Variants in MAP3K4 observed in about 807,000 individuals in gnomAD.
MAP3K4 encodes MAP three kinase 1.
Under a neutral mutation model 185.6 loss-of-function variants are expected in MAP3K4, and 67 were observed. The ratio of observed to expected loss-of-function variants is 0.36; its 90% CI spans 0.30 to 0.44. MAP3K4 has a LOEUF of 0.44. MAP3K4 is among the 20% of genes least tolerant of loss of function. The probability of loss-of-function intolerance (pLI) is 1.00; values close to 1 mark genes in which losing one functional copy is unlikely to be tolerated. For synonymous variants in MAP3K4, 702 were observed against 710.4 expected, an observed-to-expected ratio of 0.99 and a Z score of 0.19; for missense variants, 1,551 against 1,995.1, an observed-to-expected ratio of 0.78 and a Z score of 4.24.
In MAP3K4 at chr6:161,073,792, G is replaced by A. The variant is rs1310169614; in HGVS notation, c.2097+180G>A. 1.3e-5 allele frequency among the ~76,000 whole-genome samples: 2 copies of A among 152,092 alleles called. No homozygotes were observed. Among genetic ancestry groups the A allele is most frequent in the Non-Finnish European group, 2.9e-5 (2 of 68,024 alleles). ...CTTGTGTGTGTGTATTGCGGAGGGCGGTGGTGGTGATCTTGAATCAGAGTC... is the reference window on the plus strand; with the variant it reads ...CTTGTGTGTGTGTATTGCGGAGGGCAGTGGTGGTGATCTTGAATCAGAGTC... On this transcript the variant is annotated intron_variant, in intron 5 of 26. Transcript: ENST00000392142. The surrounding 1 kb of genome is among the most constrained non-coding windows in gnomAD (Gnocchi z 4.2).
chr6:161,102,070 G>A lies in MAP3K4; in HGVS notation c.3775+78G>A. On this transcript the variant is annotated intron_variant, in intron 18 of 26. Transcript: ENST00000392142. The stretch of plus-strand genomic sequence containing the variant: ...CAGTTCACCAGTTTCTGTTGTTAAT[G>A]CCTTTATGAGGATTCCTTGAAGATT... 2.7e-6 allele frequency: 3 copies of A among 1,118,384 alleles called. 1 individual carries two copies. In the South Asian group the frequency reaches 4.0e-5, roughly 15 times the overall value. The allele number at this position is 1,118,384 out of a possible 1,614,324, so 69.3% of individuals were successfully genotyped here.
chr6:161,100,091 G>A lies in MAP3K4; in HGVS notation c.3674+1664G>A, dbSNP rs1777771328. Among the ~76,000 whole-genome samples, 1 of 152,204 alleles carries A rather than the reference G, an allele frequency of 6.6e-6. No individual in the cohort carries two copies. Among genetic ancestry groups the A allele is most frequent in the Admixed American group, 6.5e-5 (1 of 15,282 alleles). ...GAGATGGTAGGTAGAGAAGAGCACA[G>A]CCACGTGAAGAGGTGTGGGGTGGTT... On this transcript the variant is annotated intron_variant, in intron 17 of 26. Coordinates refer to ENST00000392142, the MANE Select transcript of MAP3K4 (RefSeq NM_005922.4). The surrounding 1 kb of genome is among the most constrained non-coding windows in gnomAD (Gnocchi z 5.8).
In MAP3K4 at chr6:161,110,891, C is replaced by G. The variant is rs573599499; in HGVS notation, c.4397-945C>G. Among the ~76,000 whole-genome samples, 9 of 152,318 alleles carry G rather than the reference C, an allele frequency of 5.9e-5. No homozygotes were observed. The highest frequency in any genetic ancestry group is 1.0e-4 in the Non-Finnish European group (7 of 68,030). Reference sequence around the variant, plus strand: ...CTGCCTATTTCTAGTCGTTCTGCCACAGACACCATCCTCAGTCTCTGTCCA... The same window carrying G: ...CTGCCTATTTCTAGTCGTTCTGCCAGAGACACCATCCTCAGTCTCTGTCCA... On this transcript the variant is annotated intron_variant, in intron 23 of 26. Transcript: ENST00000392142. This position sits in a 1 kb window ranked among gnomAD's most constrained non-coding sequence, Gnocchi z 4.8.
At position 161,111,964 on chromosome 6, in the gene MAP3K4, G is replaced by T; in HGVS notation, c.4519+6G>T. On this transcript the variant is annotated splice_donor_region_variant and intron_variant, in intron 24 of 26. Transcript: ENST00000392142. ...CAGCACCCTGGGGACAGCAGGTAGGGACCAGCCTGGTTGTTCTTTGCACTC... is the reference window on the plus strand; with the variant it reads ...CAGCACCCTGGGGACAGCAGGTAGGTACCAGCCTGGTTGTTCTTTGCACTC... 1.9e-6 allele frequency: 3 copies of T among 1,613,650 alleles called. No individual in the cohort carries two copies. The South Asian group carries it at 3.3e-5, about 18-fold the overall frequency.
chr6:160,992,208 T>A, intron 1 of MAP3K4, 125 bp downstream of exon 1: 1 of 1,326,642 alleles, frequency 7.5e-7, no homozygotes, highest in Non-Finnish European at 9.8e-7. Flanking sequence ...CTCTGCAGGC[T>A]GGGGCGGGAG....
Position 161,091,878 on chromosome 6 carries a change from A to G in MAP3K4, c.3136-132A>G, listed in dbSNP as rs1777327511. On this transcript the variant is annotated intron_variant, in intron 12 of 26. Transcript: ENST00000392142. The surrounding 1 kb of genome is among the most constrained non-coding windows in gnomAD (Gnocchi z 5.5). The stretch of plus-strand genomic sequence containing the variant: ...TGTACTTTCCATAATTCTTCATACT[A>G]TTCAAAATATAGAAATTTTAATTGG... 2.6e-6 allele frequency: 2 copies of G among 760,860 alleles called. No individual in the cohort carries two copies. The highest frequency in any genetic ancestry group is 4.2e-6 in the Non-Finnish European group (2 of 475,532). The allele number at this position is 760,860 out of a possible 1,614,324, so 47.1% of individuals were successfully genotyped here.
At chr6:161,024,467 T>C (rs1421873421) in intron 1 of MAP3K4, among the ~76,000 whole-genome samples, 1 of 152,224 alleles carries the variant, frequency 6.6e-6, no homozygotes, top group Non-Finnish European at 1.5e-5. Context: ...CACATGTTCT[T>C]TTTCTGTTCC....
rs1777700011 is a variant in MAP3K4, at chr6:161,098,752, G to A, written c.3674+325G>A. ...GGACATGAGCATTTTGCCTCACAGAGAGAGCCTGGAGTCACAAGGTGGTTA... is the reference window on the plus strand; with the variant it reads ...GGACATGAGCATTTTGCCTCACAGAAAGAGCCTGGAGTCACAAGGTGGTTA... On this transcript the variant is annotated intron_variant, in intron 17 of 26. Transcript: ENST00000392142. This position sits in a 1 kb window ranked among gnomAD's most constrained non-coding sequence, Gnocchi z 4.4. Among the ~76,000 whole-genome samples the A allele has an allele frequency of 6.6e-6, 1 of 152,220 alleles. No homozygotes were observed. Among genetic ancestry groups the A allele is most frequent in the Admixed American group, 6.5e-5 (1 of 15,288 alleles).
rs1245682634 is a variant in MAP3K4, at chr6:161,112,138, T to C, written c.4519+180T>C. Among the ~76,000 whole-genome samples the C allele has an allele frequency of 6.6e-6, 1 of 152,202 alleles. No homozygotes were observed. Among genetic ancestry groups the C allele is most frequent in the Admixed American group, 6.5e-5 (1 of 15,286 alleles). ...CACGCAAGAGCAGCTGTCACATTGG[T>C]GAATTAAATGACTCCTTTTAGGTTA... is the stretch of plus-strand genomic sequence containing the variant. On this transcript the variant is annotated intron_variant, in intron 24 of 26. Transcript: ENST00000392142. This position sits in a 1 kb window ranked among gnomAD's most constrained non-coding sequence, Gnocchi z 5.1.
At chr6:161,099,266 A>AATAGTAGAGTTAACAGGACTCTACT (rs1777723376) in intron 17 of MAP3K4, among the ~76,000 whole-genome samples, 1 of 152,214 alleles carries the variant, frequency 6.6e-6, no homozygotes, top group African/African-American at 2.4e-5. Context: ...CCGAGGAGAA[A>AATAGTAGAGTTAACAGGACTCTACT]ATAGTAGAGT....
At chr6:161,028,567 T>C in intron 1 of MAP3K4, among the ~76,000 whole-genome samples, 1 of 152,208 alleles carries the variant, frequency 6.6e-6, no homozygotes, top group East Asian at 1.9e-4. Flanking sequence ...GCCACTGTTC[T>C]AGACACCGGA....
At position 161,034,170 on chromosome 6, in the gene MAP3K4, T is replaced by A; in HGVS notation, c.153-89T>A. Reference sequence around the variant, plus strand: ...GAAGAGATTTTTCTGTACAAAAGTTTTACAAAGAATTATTTAAAAAATTAT... The same window carrying A: ...GAAGAGATTTTTCTGTACAAAAGTTATACAAAGAATTATTTAAAAAATTAT... On this transcript the variant is annotated intron_variant, in intron 1 of 26. Transcript: ENST00000392142. This position sits in a 1 kb window ranked among gnomAD's most constrained non-coding sequence, Gnocchi z 4.4. 1.8e-6 allele frequency: 2 copies of A among 1,082,446 alleles called. No homozygotes were observed. The highest frequency in any genetic ancestry group is 1.8e-5 in the South Asian group (1 of 54,354). 67.1% of individuals were successfully genotyped at this position (1,082,446 alleles called of 1,614,324 possible). A position where few individuals can be genotyped will look rare whatever the true frequency, so the allele number is the denominator to read the frequency against.
intron 17 of MAP3K4, among the ~76,000 whole-genome samples, chr6:161,099,694 C>T (rs1294820244): frequency 6.6e-6 from 1 of 152,260 alleles, no homozygotes; most frequent in Non-Finnish European, 1.5e-5. Flanking sequence ...CTGCATCCCA[C>T]ACCTGCTGTG....
Position 161,071,355 on chromosome 6 carries a change from G to A in MAP3K4, c.1950+505G>A, listed in dbSNP as rs1385390331. On this transcript the variant is annotated intron_variant, in intron 4 of 26. Transcript: ENST00000392142. This position sits in a 1 kb window ranked among gnomAD's most constrained non-coding sequence, Gnocchi z 4.6. ...GATATCCCAGGAGCAGCAGCGGAAT[G>A]GGTGGAAGCAGTTGTATCCAGCAGA... is the stretch of plus-strand genomic sequence containing the variant. Among the ~76,000 whole-genome samples the A allele has an allele frequency of 6.6e-6, 1 of 152,166 alleles. No individual in the cohort carries two copies. The highest frequency in any genetic ancestry group is 2.4e-5 in the African/African-American group (1 of 41,442).
intron 1 of MAP3K4, among the ~76,000 whole-genome samples, chr6:161,000,004 G>A (rs777536437): frequency 7.9e-5 from 12 of 152,170 alleles, no homozygotes; most frequent in East Asian, 1.9e-4. Context: ...ATTTTCAGGC[G>A]TCGGTCTGTA....
Position 161,106,771 on chromosome 6 carries a change from T to A in MAP3K4, c.4048+66T>A. The A allele has an allele frequency of 1.5e-6, 2 of 1,323,550 alleles. No individual in the cohort carries two copies. Among genetic ancestry groups the A allele is most frequent in the Non-Finnish European group, 2.1e-6 (2 of 955,632 alleles). The allele number at this position is 1,323,550 out of a possible 1,614,324, so 82.0% of individuals were successfully genotyped here. ...TAGAAGTAGCAATAGTTATACTTCT[T>A]TAGGTTGAATCCTATAGAGTTGGCC... On this transcript the variant is annotated intron_variant, in intron 20 of 26. Transcript: ENST00000392142. This position sits in a 1 kb window ranked among gnomAD's most constrained non-coding sequence, Gnocchi z 4.9.
chr6:161,097,094 A>G lies in MAP3K4; in HGVS notation c.3442A>G (p.Ser1148Gly). The change falls in exon 16 of 27, where the codon AGC becomes GGC. Residue 1148 changes from serine to glycine, a missense_variant. Around this residue, in one of 16 missense-constraint regions of MAP3K4, gnomAD observed 272 missense variants for 301.2 expected, o/e 0.90. Transcript: ENST00000392142. The surrounding 1 kb of genome is among the most constrained non-coding windows in gnomAD (Gnocchi z 4.9). Reference sequence around the variant, plus strand: ...TTTGCTGGCAGCCATTCATCGGAACAGCCCCCGTCCTATGAAGGTACCTCG... The same window carrying G: ...TTTGCTGGCAGCCATTCATCGGAACGGCCCCCGTCCTATGAAGGTACCTCG... ...TGLYLAIHRN[S>G]PRPMKVPRCH... 1 of 1,613,948 alleles carries G rather than the reference A, an allele frequency of 6.2e-7. No individual in the cohort carries two copies. Among genetic ancestry groups the G allele is most frequent in the Non-Finnish European group, 8.5e-7 (1 of 1,179,876 alleles).
chr6:161,091,603 T>G lies in MAP3K4; in HGVS notation c.3135+63T>G. 6.9e-7 allele frequency: 1 copy of G among 1,458,676 alleles called. No individual in the cohort carries two copies. Among genetic ancestry groups the G allele is most frequent in the Admixed American group, 2.0e-5 (1 of 49,716 alleles). The allele number at this position is 1,458,676 out of a possible 1,614,324, so 90.4% of individuals were successfully genotyped here. A position where few individuals can be genotyped will look rare whatever the true frequency, so the allele number is the denominator to read the frequency against. On this transcript the variant is annotated intron_variant, in intron 12 of 26. Coordinates refer to ENST00000392142, the MANE Select transcript of MAP3K4 (RefSeq NM_005922.4). This position sits in a 1 kb window ranked among gnomAD's most constrained non-coding sequence, Gnocchi z 5.5. The stretch of plus-strand genomic sequence containing the variant: ...TAATTGCTTGATAACTTACAGAAAG[T>G]TTTTGGAACCTTTTACAGTAAATCT...
At chr6:161,047,730 G>A (rs1022965078) in intron 2 of MAP3K4, among the ~76,000 whole-genome samples, 1 of 152,156 alleles carries the variant, frequency 6.6e-6, no homozygotes, top group Non-Finnish European at 1.5e-5. Flanking sequence ...ACTTAAGGAA[G>A]TGTAAGAACC....
Sources: allele counts gnomAD v4.1 joint callset (sites outside exome capture counted in the v4.1 genomes callset), GRCh38; gene constraint gnomAD v4.1.1; regional missense constraint gnomAD v4.1.1; non-coding constraint Gnocchi (gnomAD v3.1); transcripts MANE v1.5; gene names NCBI Gene and HGNC (gene_info 2026-07-23, HGNC 2026-07-21).